FRY: variants seen among roughly 807,000 people sequenced by gnomAD.
The protein encoded by FRY is FRY microtubule binding protein, also known as protein furry homolog.
FRY carries 128 observed loss-of-function variants against 348.4 expected under a neutral mutation model. The ratio of observed to expected loss-of-function variants is 0.37; its 90% CI spans 0.32 to 0.43. The LOEUF is 0.43. Ranked by LOEUF, FRY falls within the 20% of genes least tolerant of loss-of-function variation. FRY has a pLI of 1.00. For missense variants in FRY, 2,736 were observed against 3,695.2 expected (o/e 0.74, Z 6.73); for synonymous variants, 1,370 against 1,374.7 (o/e 1.00, Z 0.08).
intron 24 of FRY, among the ~76,000 whole-genome samples, chr13:32,183,632 T>G (rs1882844055): frequency 6.6e-6 from 1 of 152,010 alleles, no homozygotes. Flanking sequence ...AAAAATTAGC[T>G]GGGCGTGGTG....
intron 36 of FRY, among the ~76,000 whole-genome samples, chr13:32,223,248 G>A (rs572125313): frequency 2.0e-5 from 3 of 152,248 alleles, no homozygotes; most frequent in South Asian, 2.1e-4. Flanking sequence ...GTGAGCTACC[G>A]CGACCAGGCC....
intron 7 of FRY, among the ~76,000 whole-genome samples, chr13:32,127,576 G>A (rs1016496848): frequency 9.2e-5 from 14 of 152,088 alleles, no homozygotes; most frequent in Admixed American, 5.9e-4. Flanking sequence ...AGGAGATCGA[G>A]ACCATCCTGG....
chr13:32,093,071 C>G (rs553046037), intron 2 of FRY, among the ~76,000 whole-genome samples: 1 of 152,320 alleles, frequency 6.6e-6, no homozygotes, highest in East Asian at 1.9e-4. Context: ...CAACAATTAT[C>G]AACTCATAGC....
intron 8 of FRY, 93 bp downstream of exon 8, chr13:32,131,933 T>C (rs1879391980): frequency 4.2e-6 from 4 of 954,104 alleles, no homozygotes; most frequent in Non-Finnish European, 6.9e-6. Flanking sequence ...GCCAATTACT[T>C]GTCAATACGG....
In FRY at chr13:32,171,181, T is replaced by C. The variant is rs1246595036; in HGVS notation, c.2062T>C (p.Leu688=). Reference sequence around the variant, plus strand: ...CACACTCCTTGATTCGTCCCTGAAGTTGCTGCTGCAGCTGCTCACCCAGTG... The same window carrying C: ...CACACTCCTTGATTCGTCCCTGAAGCTGCTGCTGCAGCTGCTCACCCAGTG... ...HHTLLDSSLK[L]LLQLLTQWKL... Residue 688 remains leucine (L), a synonymous_variant, in exon 18 of 61, where the codon TTG becomes CTG. Transcript: ENST00000542859. 2.5e-6 allele frequency: 4 copies of C among 1,613,776 alleles called. No individual in the cohort carries two copies. The highest frequency in any genetic ancestry group is 3.4e-6 in the Non-Finnish European group (4 of 1,179,722).
intron 7 of FRY, 125 bp downstream of exon 7, chr13:32,125,000 C>A (rs1878936411): frequency 1.3e-6 from 1 of 758,908 alleles, no homozygotes. Context: ...CCATGTGTGC[C>A]CCATCTCTGA....
At chr13:32,144,550 G>GT in intron 11 of FRY, among the ~76,000 whole-genome samples, 1 of 152,056 alleles carries the variant, frequency 6.6e-6, no homozygotes, top group East Asian at 1.9e-4. Context: ...TTCAGTAACA[G>GT]TTTAAAGATA....
At chr13:32,158,493 G>A (rs1458853205) in intron 16 of FRY, among the ~76,000 whole-genome samples, 2 of 152,112 alleles carry the variant, frequency 1.3e-5, no homozygotes, top group African/African-American at 2.4e-5. Flanking sequence ...GATTAATAAC[G>A]TTAAAAATAT....
At chr13:32,281,074 C>T (rs1888785970) in intron 58 of FRY, among the ~76,000 whole-genome samples, 1 of 152,134 alleles carries the variant, frequency 6.6e-6, no homozygotes, top group Non-Finnish European at 1.5e-5. Flanking sequence ...ATTCCTCTCC[C>T]TCTCTTTTCT....
At chr13:32,083,435 T>C (rs936190726) in intron 2 of FRY, among the ~76,000 whole-genome samples, 9 of 152,226 alleles carry the variant, frequency 5.9e-5, no homozygotes, top group Admixed American at 5.2e-4. Context: ...AACTCTTCTG[T>C]TTGTTGTGCC....
rs374073852 is a variant in FRY, at chr13:32,158,607, A to G, written c.1784+1202A>G. Among the ~76,000 whole-genome samples, 17 of 152,320 alleles carry G rather than the reference A, an allele frequency of 1.1e-4. No individual in the cohort carries two copies. In the East Asian group the frequency reaches 1.2e-3, roughly 10 times the overall value. On this transcript the variant is annotated intron_variant, in intron 16 of 60. Transcript: ENST00000542859. ...CATATATTAAAGCCATTTTCAATTT[A>G]TAATGTAGAAGATATAAAAAATGCA...
chr13:32,289,816 C>T, intron 59 of FRY, 73 bp downstream of exon 59: 1 of 797,850 alleles, frequency 1.3e-6, no homozygotes, highest in South Asian at 1.4e-5. Context: ...CACTCCACCC[C>T]TTTTATAACT....
At chr13:32,108,774 G>A (rs149643348) in intron 3 of FRY, among the ~76,000 whole-genome samples, 3 of 152,140 alleles carry the variant, frequency 2.0e-5, no homozygotes, top group African/African-American at 7.2e-5. Flanking sequence ...TTTTAAAATA[G>A]CTCAAAGGCA....
At chr13:32,093,070 T>C (rs1047227793) in intron 2 of FRY, among the ~76,000 whole-genome samples, 4 of 152,346 alleles carry the variant, frequency 2.6e-5, no homozygotes, top group African/African-American at 9.6e-5. Flanking sequence ...TCAACAATTA[T>C]CAACTCATAG....
chr13:32,221,489 A>G (rs1452946308), intron 36 of FRY, among the ~76,000 whole-genome samples: 3 of 152,132 alleles, frequency 2.0e-5, no homozygotes, highest in African/African-American at 7.2e-5. Context: ...AAACATGGAA[A>G]GTGTTGCTGT....
Position 32,171,160 on chromosome 13 carries a change from C to T in FRY, c.2041C>T (p.Leu681Phe), listed in dbSNP as rs371252827. The T allele has an allele frequency of 1.2e-6, 2 of 1,613,728 alleles. No individual in the cohort carries two copies. The highest frequency in any genetic ancestry group is 2.7e-5 in the African/African-American group (2 of 74,904). Residue 681 changes from leucine to phenylalanine, a missense_variant, in exon 18 of 61, where the codon CTC (leucine) becomes TTC (phenylalanine). By Grantham distance (22) the Leu-to-Phe change is conservative. Coordinates refer to ENST00000542859, the MANE Select transcript of FRY (RefSeq NM_023037.3). ...LREVNDMHHT[L>F]LDSSLKLLLQ... ...GGAAGTAAATGATATGCATCACACA[C>T]TCCTTGATTCGTCCCTGAAGTTGCT...
intron 2 of FRY, among the ~76,000 whole-genome samples, chr13:32,081,507 TAG>T (rs1156377490): frequency 1.3e-5 from 2 of 152,134 alleles, no homozygotes; most frequent in African/African-American, 2.4e-5. Flanking sequence ...ATATTTTTAG[TAG>T]AGACGGAGTT....
intron 2 of FRY, among the ~76,000 whole-genome samples, chr13:32,099,333 C>T (rs1429124761): frequency 6.6e-6 from 1 of 151,200 alleles, no homozygotes; most frequent in Non-Finnish European, 1.5e-5. Context: ...TATATATATA[C>T]ACACACACAT....
chr13:32,214,931 A>C (rs1051291812), intron 35 of FRY, among the ~76,000 whole-genome samples: 1 of 152,216 alleles, frequency 6.6e-6, no homozygotes, highest in Non-Finnish European at 1.5e-5. Flanking sequence ...CCTTGGCACC[A>C]TGTTCTTTAC....
Sources: allele counts gnomAD v4.1 joint callset (sites outside exome capture counted in the v4.1 genomes callset), GRCh38; gene constraint gnomAD v4.1.1; transcripts MANE v1.5; gene names NCBI Gene and HGNC (gene_info 2026-07-23, HGNC 2026-07-21).